Variants in DBT observed in about 807,000 individuals in gnomAD.
DBT encodes lipoamide acyltransferase component of branched-chain alpha-keto acid dehydrogenase complex, mitochondrial.
A neutral mutation model predicts 51.3 loss-of-function variants in DBT; 40 were observed. The observed-to-expected ratio is 0.78, with a 90% CI of 0.61 to 1.02. The LOEUF (loss-of-function observed/expected upper bound fraction) is 1.02. Ranked by LOEUF, DBT falls within the 50% of genes least tolerant of loss-of-function variation. DBT has a pLI of 0.00. For missense variants in DBT, 510 were observed against 580.2 expected (o/e 0.88, Z 1.24); for synonymous variants, 181 against 190.4 (o/e 0.95, Z 0.41).
chr1:100,243,295 T>C, intron 1 of DBT, among the ~76,000 whole-genome samples: 1 of 148,110 alleles, frequency 6.8e-6, no homozygotes, highest in East Asian at 2.0e-4. Flanking sequence ...AAAAGAAAAA[T>C]AGCCTTTTTA....
rs1406018572 is a variant in DBT at position 100,194,859 on chromosome 1, C to T, written c.*1396G>A. ...TATTAAAACAACCTTTTTTCTGTCA[C>T]AAAACTTCACTTAAACAACTAATTT... On this transcript the variant is annotated 3_prime_UTR_variant, in exon 11 of 11. Transcript: ENST00000370132. 1 of 152,148 alleles carries T rather than the reference C, an allele frequency of 6.6e-6. No homozygotes were observed. The highest frequency in any genetic ancestry group is 1.5e-5 in the Non-Finnish European group (1 of 68,024). 9.4% of individuals were successfully genotyped at this position (152,148 alleles called of 1,614,324 possible).
intron 5 of DBT, among the ~76,000 whole-genome samples, chr1:100,216,938 TA>T (rs1662528617): frequency 6.6e-6 from 1 of 152,188 alleles, no homozygotes; most frequent in Admixed American, 6.5e-5. Flanking sequence ...TCATTTGTAT[TA>T]GTGCATCTCT....
At chr1:100,196,545 A>G in intron 10 of DBT, 123 bp from the exon 11 acceptor site, 1 of 1,419,586 alleles carries the variant, frequency 7.0e-7, no homozygotes, top group Non-Finnish European at 9.4e-7. Context: ...TGTACAGTAC[A>G]GAAAAAAATG....
chr1:100,203,767 T>C (rs1661586961), intron 10 of DBT, among the ~76,000 whole-genome samples: 1 of 152,218 alleles, frequency 6.6e-6, no homozygotes, highest in Admixed American at 6.5e-5. Flanking sequence ...TCAAGTCGGC[T>C]TCATCCCTAG....
At chr1:100,207,659 A>C (rs1172915197) in intron 8 of DBT, among the ~76,000 whole-genome samples, 1 of 151,968 alleles carries the variant, frequency 6.6e-6, no homozygotes. Context: ...CCATCTCTAC[A>C]AAAAAATTTT....
At chr1:100,249,223 A>G (rs940671944) in intron 1 of DBT, 5 of 351,178 alleles carry the variant, frequency 1.4e-5, no homozygotes, top group East Asian at 1.2e-4. Context: ...GTGATGGGTC[A>G]CAGCCTTGGT....
chr1:100,232,398 C>A (rs1340210315), intron 3 of DBT, among the ~76,000 whole-genome samples: 1 of 151,940 alleles, frequency 6.6e-6, no homozygotes, highest in Non-Finnish European at 1.5e-5. Context: ...TCTTGGCCTC[C>A]CAAAGTGTTG....
intron 3 of DBT, among the ~76,000 whole-genome samples, chr1:100,234,078 T>C (rs1663713522): frequency 6.6e-6 from 1 of 152,212 alleles, no homozygotes; most frequent in Non-Finnish European, 1.5e-5. Flanking sequence ...TTATTCCTAA[T>C]TAAATGAGGA....
At chr1:100,206,784 T>A (rs985338283) in intron 8 of DBT, 148 bp from the exon 9 acceptor site, 11 of 642,554 alleles carry the variant, frequency 1.7e-5, no homozygotes, top group African/African-American at 1.7e-4. Flanking sequence ...TTAAAAATAA[T>A]TTTTAAAAGA....
intron 10 of DBT, among the ~76,000 whole-genome samples, chr1:100,200,019 C>A (rs1661349245): frequency 1.3e-5 from 2 of 151,748 alleles, no homozygotes; most frequent in Non-Finnish European, 2.9e-5. Context: ...TTTTTTCATA[C>A]CCCAGTGATG....
At chr1:100,203,755 A>C (rs1221983002) in intron 10 of DBT, among the ~76,000 whole-genome samples, 1 of 152,148 alleles carries the variant, frequency 6.6e-6, no homozygotes, top group African/African-American at 2.4e-5. Context: ...TATCCATCAC[A>C]ATCAAGTCGG....
chr1:100,218,347 C>T (rs1452868061), intron 5 of DBT, among the ~76,000 whole-genome samples: 1 of 152,140 alleles, frequency 6.6e-6, no homozygotes, highest in African/African-American at 2.4e-5. Context: ...GACATAAGAC[C>T]TGGTATTTAC....
chr1:100,210,899 C>T, intron 7 of DBT, 128 bp from the exon 8 acceptor site: 4 of 1,540,934 alleles, frequency 2.6e-6, no homozygotes, highest in Non-Finnish European at 3.5e-6. Flanking sequence ...AATTTCAAGT[C>T]TACATGTACC....
Position 100,241,946 on chromosome 1 carries a change from G to A in DBT, c.52-1062C>T, listed in dbSNP as rs558526466. Among the ~76,000 whole-genome samples the A allele has an allele frequency of 2.8e-4, 42 of 152,086 alleles. 1 individual carries two copies. Among genetic ancestry groups the A allele is most frequent in the African/African-American group, 7.5e-4 (31 of 41,502 alleles). On this transcript the variant is annotated intron_variant, in intron 1 of 10. Transcript: ENST00000370132. ...TGAGGCAGGAGAATCGCTTGAATGC[G>A]GGAGGCAGAGGTTGCAGTGAGCCGG... is the stretch of plus-strand genomic sequence containing the variant.
intron 10 of DBT, among the ~76,000 whole-genome samples, chr1:100,198,773 G>T (rs895778809): frequency 6.6e-6 from 1 of 152,136 alleles, no homozygotes; most frequent in Admixed American, 6.6e-5. Context: ...GAAAGTGGAT[G>T]CCAGGAAGGG....
Position 100,189,810 on chromosome 1 carries a change from A to C in DBT, c.*6445T>G, listed in dbSNP as rs1474891751. On this transcript the variant is annotated 3_prime_UTR_variant, in exon 11 of 11. Coordinates refer to ENST00000370132, the MANE Select transcript of DBT (RefSeq NM_001918.5). ...TTGTTTTTCGTTTGTTTTAGGGACT[A>C]TTTAAAAAATAAGAACATTTGTGTC... 1 of 152,236 alleles carries C rather than the reference A, an allele frequency of 6.6e-6. No homozygotes were observed. The highest frequency in any genetic ancestry group is 1.5e-5 in the Non-Finnish European group (1 of 68,034). The allele number at this position is 152,236 out of a possible 1,614,324, so 9.4% of individuals were successfully genotyped here. A position where few individuals can be genotyped will look rare whatever the true frequency, so the allele number is the denominator to read the frequency against.
intron 3 of DBT, among the ~76,000 whole-genome samples, chr1:100,233,144 A>G (rs1663640689): frequency 6.6e-6 from 1 of 152,166 alleles, no homozygotes; most frequent in Admixed American, 6.5e-5. Context: ...CTCGCCTGTA[A>G]TCTCAGGAGT....
intron 10 of DBT, among the ~76,000 whole-genome samples, chr1:100,199,359 A>C (rs1031187975): frequency 1.3e-5 from 2 of 152,216 alleles, no homozygotes; most frequent in African/African-American, 4.8e-5. Context: ...CACTTTGTTT[A>C]AAATAACATT....
At chr1:100,210,570 C>T in intron 8 of DBT, 124 bp downstream of exon 8, 2 of 1,311,966 alleles carry the variant, frequency 1.5e-6, no homozygotes, top group Non-Finnish European at 2.1e-6. Flanking sequence ...ATGTTTTACC[C>T]CATACCTTTA....
Sources: allele counts gnomAD v4.1 joint callset (sites outside exome capture counted in the v4.1 genomes callset), GRCh38; gene constraint gnomAD v4.1.1; transcripts MANE v1.5; gene names NCBI Gene and HGNC (gene_info 2026-07-23, HGNC 2026-07-21).